Variants in DIAPH2 observed in about 807,000 individuals in gnomAD.
DIAPH2 encodes protein diaphanous homolog 2.
DIAPH2 carries 35 observed loss-of-function variants against 92.7 expected under a neutral mutation model. The ratio of observed to expected loss-of-function variants is 0.38; its 90% CI spans 0.29 to 0.50. The LOEUF is 0.50. DIAPH2 is among the 20% of genes least tolerant of loss of function. The pLI is 0.94. For missense variants in DIAPH2, 701 were observed against 819.5 expected, an observed-to-expected ratio of 0.86 and a Z score of 1.77; for synonymous variants, 301 against 280.4, an observed-to-expected ratio of 1.07 and a Z score of -0.73.
chrX:97,143,643 A>G (rs2067223369), intron 22 of DIAPH2, among the ~76,000 whole-genome samples: 2 of 110,840 alleles, frequency 1.8e-5, no homozygotes, highest in South Asian at 7.7e-4. Flanking sequence ...CAGTTCCACT[A>G]CTAGGTATTT....
intron 16 of DIAPH2, among the ~76,000 whole-genome samples, chrX:96,962,496 CATAT>C (rs761811314): frequency 0.034 from 1,500 of 44,698 alleles, 98 homozygotes; most frequent in Admixed American, 0.1. Context: ...CACACACACA[CATAT>C]ATATATATAT....
chrX:97,392,644 G>A (rs959966880), intron 25 of DIAPH2, among the ~76,000 whole-genome samples: 13 of 111,462 alleles, frequency 1.2e-4, no homozygotes, highest in Non-Finnish European at 2.3e-4. Context: ...AGTAGTGCAC[G>A]TCAGCACATA....
intron 23 of DIAPH2, among the ~76,000 whole-genome samples, chrX:97,278,189 T>A (rs1284102154): frequency 1.8e-5 from 2 of 112,271 alleles, no homozygotes; most frequent in African/African-American, 6.5e-5. Flanking sequence ...TAGACTTTAA[T>A]TTTTAGAGAA....
At position 97,391,966 on chromosome X, in the gene DIAPH2, T is replaced by G. The variant is rs138062752; in HGVS notation, c.3145+7922T>G. 5.8e-4 allele frequency among the ~76,000 whole-genome samples: 65 copies of G among 111,762 alleles called. No individual in the cohort carries two copies. In the East Asian group the frequency reaches 0.011, roughly 20 times the overall value. On this transcript the variant is annotated intron_variant, in intron 25 of 26. Transcript: ENST00000324765. ...GTACCAAGGCTATATTTTGAGAGATTTGGAGATCAGAAGGCAAATGCCATG... is the reference window on the plus strand; with the variant it reads ...GTACCAAGGCTATATTTTGAGAGATGTGGAGATCAGAAGGCAAATGCCATG...
chrX:96,828,294 C>A (rs1229042042), intron 4 of DIAPH2, among the ~76,000 whole-genome samples: 2 of 111,453 alleles, frequency 1.8e-5, no homozygotes, highest in African/African-American at 6.5e-5. Flanking sequence ...CTCCTCTTCT[C>A]TTAATGGATC....
chrX:96,757,172 C>T (rs1048468887), intron 3 of DIAPH2, among the ~76,000 whole-genome samples: 2 of 110,937 alleles, frequency 1.8e-5, no homozygotes, highest in African/African-American at 6.6e-5. Context: ...CCGCCTTGGC[C>T]TCCCAAAGTG....
chrX:97,291,966 C>G (rs1426849148), intron 23 of DIAPH2, among the ~76,000 whole-genome samples: 6 of 111,884 alleles, frequency 5.4e-5, no homozygotes, highest in Admixed American at 9.6e-5. Context: ...AATTACATGA[C>G]TAGTGATTGA....
intron 17 of DIAPH2, among the ~76,000 whole-genome samples, chrX:97,045,016 T>C (rs756293523): frequency 7.1e-5 from 8 of 111,960 alleles, no homozygotes; most frequent in Non-Finnish European, 1.5e-4. Context: ...GAAACTATGA[T>C]ATTGGTTCTC....
At chrX:96,867,259 C>T (rs1279744067) in intron 4 of DIAPH2, among the ~76,000 whole-genome samples, 1 of 111,313 alleles carries the variant, frequency 9.0e-6, no homozygotes. Context: ...TGCTCTGTTG[C>T]CCAGGCTGGA....
chrX:97,053,352 A>G (rs2066533917), intron 17 of DIAPH2, among the ~76,000 whole-genome samples: 1 of 111,495 alleles, frequency 9.0e-6, no homozygotes, highest in African/African-American at 3.3e-5. Context: ...ATTTTTTTAA[A>G]TATTCATCAT....
chrX:96,877,826 C>T (rs749589030), intron 4 of DIAPH2, among the ~76,000 whole-genome samples: 5 of 112,332 alleles, frequency 4.5e-5, no homozygotes, highest in African/African-American at 1.3e-4. Flanking sequence ...AATACAAGCC[C>T]AGTCACATTG....
At chrX:96,956,936 A>G (rs920537810) in intron 15 of DIAPH2, among the ~76,000 whole-genome samples, 3 of 112,654 alleles carry the variant, frequency 2.7e-5, no homozygotes, top group East Asian at 5.5e-4. Context: ...TCTTTACAGA[A>G]GCACCCAACT....
intron 4 of DIAPH2, among the ~76,000 whole-genome samples, chrX:96,834,676 T>C (rs953113976): frequency 1.8e-5 from 2 of 111,746 alleles, no homozygotes; most frequent in Non-Finnish European, 3.8e-5. Flanking sequence ...AAGGACATAT[T>C]TGGTAAATCT....
chrX:96,689,913 C>T (rs749748862), intron 1 of DIAPH2, among the ~76,000 whole-genome samples: 1 of 110,571 alleles, frequency 9.0e-6, no homozygotes, highest in South Asian at 3.8e-4. Flanking sequence ...GATTTTTTTC[C>T]CCTATATACC....
intron 26 of DIAPH2, among the ~76,000 whole-genome samples, chrX:97,502,645 T>C (rs749747527): frequency 8.9e-6 from 1 of 112,738 alleles, no homozygotes; most frequent in Admixed American, 9.4e-5. Flanking sequence ...CAAAATCTTA[T>C]TGTTAATTGC....
chrX:97,335,958 C>T (rs2069054215), intron 23 of DIAPH2, among the ~76,000 whole-genome samples: 1 of 111,305 alleles, frequency 9.0e-6, no homozygotes, highest in Non-Finnish European at 1.9e-5. Context: ...ACCTCAGGAA[C>T]CATCTCCTTC....
At chrX:96,712,692 A>C (rs2063926051) in intron 1 of DIAPH2, among the ~76,000 whole-genome samples, 1 of 111,719 alleles carries the variant, frequency 9.0e-6, no homozygotes, top group African/African-American at 3.3e-5. Context: ...TCTCGTCTAA[A>C]GTAAACCTTC....
intron 22 of DIAPH2, among the ~76,000 whole-genome samples, chrX:97,221,828 A>T (rs2067927876): frequency 9.0e-6 from 1 of 110,888 alleles, no homozygotes; most frequent in Non-Finnish European, 1.9e-5. Context: ...GCAATTTAAC[A>T]AAAATGATTT....
chrX:96,694,152 A>C (rs936667478), intron 1 of DIAPH2, among the ~76,000 whole-genome samples: 8 of 112,236 alleles, frequency 7.1e-5, no homozygotes, highest in African/African-American at 2.6e-4. Flanking sequence ...TCAAATGTAG[A>C]TGGCTGTGCC....
Sources: allele counts gnomAD v4.1 joint callset (sites outside exome capture counted in the v4.1 genomes callset), GRCh38; gene constraint gnomAD v4.1.1; transcripts MANE v1.5; gene names NCBI Gene and HGNC (gene_info 2026-07-23, HGNC 2026-07-21).